The following TTC28 variants were observed in gnomAD, a reference collection of about 807,000 sequenced individuals.
The protein encoded by TTC28 is tetratricopeptide repeat protein 28.
A neutral mutation model predicts 198.0 loss-of-function variants in TTC28; 61 were observed. That is an observed-to-expected ratio of 0.31 (90% CI 0.25 to 0.38). The LOEUF (loss-of-function observed/expected upper bound fraction) is 0.38. TTC28 is among the 10% of genes least tolerant of loss of function. The pLI, the probability that TTC28 is intolerant of heterozygous loss-of-function variation, is 1.00. For missense variants in TTC28, 2,678 were observed against 3,164.0 expected (o/e 0.85, Z 3.69); for synonymous variants, 1,171 against 1,297.8 (o/e 0.90, Z 2.10).
intron 2 of TTC28, among the ~76,000 whole-genome samples, chr22:28,534,734 T>TA (rs2049226991): frequency 6.6e-6 from 1 of 152,074 alleles, no homozygotes; most frequent in African/African-American, 2.4e-5. Flanking sequence ...TAGGCAGCCA[T>TA]AAAAAAGATG....
In TTC28 at chr22:28,395,635, C is replaced by A. The variant is rs113764736; in HGVS notation, c.382-88992G>T. On this transcript the variant is annotated intron_variant, in intron 2 of 22. Transcript: ENST00000397906. ...GTCTCAAAAAAAAAAACCAAACAAA[C>A]AAAAAAAAAAAAACCAGCAACAACC... is the stretch of plus-strand genomic sequence containing the variant. Among the ~76,000 whole-genome samples, 844 of 99,912 alleles carry A rather than the reference C, an allele frequency of 8.4e-3. 20 individuals carry two copies. The highest frequency in any genetic ancestry group is 0.034 in the African/African-American group (460 of 13,560). 65.5% of individuals were successfully genotyped at this position (99,912 alleles called of 152,430 possible). A position where few individuals can be genotyped will look rare whatever the true frequency, so the allele number is the denominator to read the frequency against.
At chr22:28,573,657 A>AT (rs2050098099) in intron 2 of TTC28, among the ~76,000 whole-genome samples, 1 of 152,120 alleles carries the variant, frequency 6.6e-6, no homozygotes, top group Non-Finnish European at 1.5e-5. Flanking sequence ...TAAATGGGGT[A>AT]TCTACATCAC....
intron 5 of TTC28, among the ~76,000 whole-genome samples, chr22:28,223,548 G>C (rs1342977883): frequency 2.0e-5 from 3 of 152,112 alleles, no homozygotes; most frequent in Non-Finnish European, 4.4e-5. Context: ...ATCTGTTTTT[G>C]CATCCCCACA....
chr22:28,084,712 T>A (rs542560752), intron 12 of TTC28, among the ~76,000 whole-genome samples: 23 of 151,496 alleles, frequency 1.5e-4, no homozygotes, highest in African/African-American at 5.5e-4. Flanking sequence ...CAAACTGCTC[T>A]GAGCTAAAGA....
intron 5 of TTC28, among the ~76,000 whole-genome samples, chr22:28,279,062 T>C (rs989304095): frequency 2.6e-5 from 4 of 152,196 alleles, no homozygotes; most frequent in Non-Finnish European, 4.4e-5. Flanking sequence ...CCAAGACTTC[T>C]ATTTTTTATT....
chr22:28,639,498 C>T (rs966729294), intron 1 of TTC28, among the ~76,000 whole-genome samples: 1 of 152,286 alleles, frequency 6.6e-6, no homozygotes, highest in African/African-American at 2.4e-5. Flanking sequence ...TGTGTCCCCA[C>T]CCAAGTCTCA....
intron 2 of TTC28, among the ~76,000 whole-genome samples, chr22:28,344,152 T>C (rs1464242902): frequency 6.6e-6 from 1 of 150,976 alleles, no homozygotes; most frequent in Non-Finnish European, 1.5e-5. Flanking sequence ...GTATGGTGTC[T>C]AGAAACACAA....
At chr22:28,044,528 G>A (rs924973746) in intron 12 of TTC28, among the ~76,000 whole-genome samples, 2 of 152,124 alleles carry the variant, frequency 1.3e-5, no homozygotes, top group East Asian at 1.9e-4. Context: ...ATGTATACAT[G>A]TGCCATGTTG....
intron 5 of TTC28, among the ~76,000 whole-genome samples, chr22:28,286,813 C>A (rs1481275670): frequency 6.6e-6 from 1 of 151,904 alleles, no homozygotes; most frequent in African/African-American, 2.4e-5. Flanking sequence ...CACACACACA[C>A]AAAACCTAAG....
chr22:28,395,717 C>A lies in TTC28; in HGVS notation c.382-89074G>T, dbSNP rs576385222. Among the ~76,000 whole-genome samples, 7 of 151,890 alleles carry A rather than the reference C, an allele frequency of 4.6e-5. No homozygotes were observed. The East Asian group carries it at 1.2e-3, about 25-fold the overall frequency. ...AACTTTGTGTAAACAGCCCACACAT[C>A]CTTGTAGGACTGTTTTACCCCTGAC... On this transcript the variant is annotated intron_variant, in intron 2 of 22. Coordinates refer to ENST00000397906, the MANE Select transcript of TTC28 (RefSeq NM_001145418.2).
chr22:28,439,481 T>A lies in TTC28; in HGVS notation c.382-132838A>T, dbSNP rs192812886. Among the ~76,000 whole-genome samples, 186 of 152,258 alleles carry A rather than the reference T, an allele frequency of 1.2e-3. 2 individuals are homozygous for A. Among genetic ancestry groups the A allele is most frequent in the African/African-American group, 4.1e-3 (171 of 41,548 alleles). On this transcript the variant is annotated intron_variant, in intron 2 of 22. Coordinates refer to ENST00000397906, the MANE Select transcript of TTC28 (RefSeq NM_001145418.2). ...GGATAAAAATCCCTGGTCAGAAAAA[T>A]TCCCAAGTATAATGGTAAATAACAC...
At chr22:28,628,426 A>C (rs1357336650) in intron 2 of TTC28, among the ~76,000 whole-genome samples, 1 of 152,122 alleles carries the variant, frequency 6.6e-6, no homozygotes, top group Non-Finnish European at 1.5e-5. Context: ...TCATCATCTC[A>C]CATAGTAACC....
At chr22:28,251,956 C>T (rs1407910150) in intron 5 of TTC28, among the ~76,000 whole-genome samples, 1 of 152,124 alleles carries the variant, frequency 6.6e-6, no homozygotes, top group Non-Finnish European at 1.5e-5. Context: ...ATTCTCCATT[C>T]AGCTAATAAT....
chr22:28,674,657 TA>T (rs2051949915), intron 1 of TTC28, among the ~76,000 whole-genome samples: 1 of 151,612 alleles, frequency 6.6e-6, no homozygotes. Flanking sequence ...ATGTCTCTAC[TA>T]AAAATACAAA....
intron 2 of TTC28, among the ~76,000 whole-genome samples, chr22:28,494,423 A>T (rs1433288316): frequency 1.3e-5 from 2 of 152,136 alleles, no homozygotes; most frequent in East Asian, 3.8e-4. Context: ...ACTAATCTCT[A>T]CCTAGGAACT....
At chr22:28,222,902 T>C (rs1207485430) in intron 5 of TTC28, among the ~76,000 whole-genome samples, 1 of 152,232 alleles carries the variant, frequency 6.6e-6, no homozygotes, top group African/African-American at 2.4e-5. Flanking sequence ...CTTTTCATTT[T>C]AGTTTAAAAT....
intron 2 of TTC28, among the ~76,000 whole-genome samples, chr22:28,482,356 C>T (rs923055489): frequency 2.0e-5 from 3 of 151,344 alleles, no homozygotes; most frequent in Non-Finnish European, 4.4e-5. Context: ...GGACTGCAGG[C>T]GCCCTACACG....
intron 2 of TTC28, among the ~76,000 whole-genome samples, chr22:28,623,802 A>C (rs898248354): frequency 6.6e-6 from 1 of 152,188 alleles, no homozygotes; most frequent in Non-Finnish European, 1.5e-5. Context: ...TCCATGGATC[A>C]ATAATGTGTT....
At position 27,996,125 on chromosome 22, in the gene TTC28, AC is replaced by A; in HGVS notation, c.5244+9del. ...GCTCTCGTTGAGTGCAGGGTGCCCG[AC>A]CCCCTTACCAGGTGCAGCAGCACTC... On this transcript the variant is annotated intron_variant, in intron 17 of 22. Coordinates refer to ENST00000397906, the MANE Select transcript of TTC28 (RefSeq NM_001145418.2). The A allele has an allele frequency of 6.5e-7, 1 of 1,546,036 alleles. No individual in the cohort carries two copies. Among genetic ancestry groups the A allele is most frequent in the Non-Finnish European group, 8.7e-7 (1 of 1,146,144 alleles).
Sources: gnomAD v4.1 joint callset for allele counts (sites outside exome capture counted in the v4.1 genomes callset) on GRCh38, gnomAD v4.1.1 for gene constraint, MANE v1.5 for transcripts, NCBI Gene and HGNC (gene_info 2026-07-23, HGNC 2026-07-21) for gene names.